The following SDK1 variants were observed in gnomAD, a reference collection of about 807,000 sequenced individuals.
SDK1 encodes the protein protein sidekick-1.
A neutral mutation model predicts 245.5 loss-of-function variants in SDK1; 157 were observed. That is an observed-to-expected ratio of 0.64 (90% CI 0.56 to 0.73). The LOEUF (loss-of-function observed/expected upper bound fraction) is 0.73. Among genes scored for constraint, SDK1 ranks in the 30% least tolerant of loss-of-function variants. The pLI is 0.00. For missense variants in SDK1, 3,583 were observed against 3,002.3 expected, an observed-to-expected ratio of 1.19 and a Z score of -4.52; for synonymous variants, 1,647 against 1,278.5, an observed-to-expected ratio of 1.29 and a Z score of -6.15.
chr7:3,337,461 C>CAA (rs35301702), intron 1 of SDK1, among the ~76,000 whole-genome samples: 7 of 142,306 alleles, frequency 4.9e-5, no homozygotes, highest in Admixed American at 1.4e-4. Flanking sequence ...AGAGTGGGAC[C>CAA]AAAAAAAAAA....
intron 5 of SDK1, 23 bp from the exon 6 acceptor site, chr7:3,950,900 C>CATTT: frequency 3.8e-6 from 6 of 1,587,708 alleles, no homozygotes; most frequent in Non-Finnish European, 5.2e-6. Flanking sequence ...GTTTCATGGA[C>CATTT]ATTTCTCTTT....
chr7:4,241,638 G>A (rs1392163683), intron 42 of SDK1, among the ~76,000 whole-genome samples, 155 bp from the exon 43 acceptor site: 1 of 151,818 alleles, frequency 6.6e-6, no homozygotes, highest in East Asian at 1.9e-4. Context: ...CTTCTCCCCA[G>A]CTCAGCCCTA....
intron 4 of SDK1, among the ~76,000 whole-genome samples, chr7:3,672,426 G>T (rs1432481947): frequency 6.6e-6 from 1 of 151,004 alleles, no homozygotes; most frequent in East Asian, 2.0e-4. Context: ...TACTTCTACT[G>T]CAAACTCTTG....
chr7:3,343,873 G>A (rs898525420), intron 1 of SDK1, among the ~76,000 whole-genome samples: 4 of 152,094 alleles, frequency 2.6e-5, no homozygotes, highest in African/African-American at 9.7e-5. Flanking sequence ...AAAACAGAAT[G>A]GCAGTGTTGA....
chr7:3,570,977 T>C (rs1780096711), intron 1 of SDK1, among the ~76,000 whole-genome samples: 1 of 152,074 alleles, frequency 6.6e-6, no homozygotes, highest in Admixed American at 6.5e-5. Flanking sequence ...ATATTTGCAC[T>C]TAAAGTACAC....
At chr7:3,830,123 A>G (rs1779878302) in intron 5 of SDK1, among the ~76,000 whole-genome samples, 1 of 152,176 alleles carries the variant, frequency 6.6e-6, no homozygotes, top group African/African-American at 2.4e-5. Context: ...AGATATTGAC[A>G]TCGAACTGTT....
chr7:3,669,597 A>G (rs996627032), intron 4 of SDK1, among the ~76,000 whole-genome samples: 6 of 151,796 alleles, frequency 4.0e-5, no homozygotes, highest in African/African-American at 7.3e-5. Flanking sequence ...GCCTTCCTCC[A>G]CCTGTCTTTA....
chr7:3,463,327 A>G (rs1387108946), intron 1 of SDK1, among the ~76,000 whole-genome samples: 1 of 152,194 alleles, frequency 6.6e-6, no homozygotes, highest in East Asian at 1.9e-4. Flanking sequence ...AATACTTGTC[A>G]TATAGTTAGG....
chr7:3,491,511 A>G (rs770658252), intron 1 of SDK1, among the ~76,000 whole-genome samples: 3 of 152,234 alleles, frequency 2.0e-5, no homozygotes, highest in Non-Finnish European at 4.4e-5. Flanking sequence ...TGAATTAAAG[A>G]TTGGAGCATT....
chr7:3,428,385 C>A (rs370492256), intron 1 of SDK1, among the ~76,000 whole-genome samples: 2 of 152,144 alleles, frequency 1.3e-5, no homozygotes, highest in Non-Finnish European at 1.5e-5. Flanking sequence ...GCAAGGACTG[C>A]GAGTATGTTA....
At position 4,006,019 on chromosome 7, in the gene SDK1, A is replaced by C. The variant is rs559102923; in HGVS notation, c.2132-4947A>C. On this transcript the variant is annotated intron_variant, in intron 14 of 44. Coordinates refer to ENST00000404826, the MANE Select transcript of SDK1 (RefSeq NM_152744.4). The stretch of plus-strand genomic sequence containing the variant: ...GGAGCGGAGGTTGCAGTGAGCCGAG[A>C]TTGCGCCACTGCACTCCAGCCTGGA... Among the ~76,000 whole-genome samples, 4 of 152,300 alleles carry C rather than the reference A, an allele frequency of 2.6e-5. No individual in the cohort carries two copies. The East Asian group carries it at 7.7e-4, about 29-fold the overall frequency.
chr7:3,359,057 T>C (rs1227478017), intron 1 of SDK1, among the ~76,000 whole-genome samples: 2 of 152,168 alleles, frequency 1.3e-5, no homozygotes, highest in Admixed American at 6.5e-5. Context: ...TTCCTCATCA[T>C]AGAACCTTAT....
chr7:4,077,056 G>A lies in SDK1; in HGVS notation c.3069G>A (p.Leu1023=). 3 of 1,614,170 alleles carry A rather than the reference G, an allele frequency of 1.9e-6. No individual in the cohort carries two copies. The highest frequency in any genetic ancestry group is 2.5e-6 in the Non-Finnish European group (3 of 1,179,998). The change falls in exon 21 of 45, where the codon CTG becomes CTA. Residue 1023 remains leucine, a synonymous_variant. Transcript: ENST00000404826. ...GRNDSRLTHT[L]NSTTHEYKIQ... ...ACGACTCTCGTCTCACGCACACCCT[G>A]AACAGCACGACGCACGAGTACAAGA...
At chr7:3,677,946 A>T (rs1562650554) in intron 4 of SDK1, among the ~76,000 whole-genome samples, 1 of 152,214 alleles carries the variant, frequency 6.6e-6, no homozygotes, top group Non-Finnish European at 1.5e-5. Flanking sequence ...CTCAACAACA[A>T]CAGAACAAAC....
chr7:3,777,252 T>G (rs529090477), intron 4 of SDK1, among the ~76,000 whole-genome samples: 1 of 152,358 alleles, frequency 6.6e-6, no homozygotes, highest in East Asian at 1.9e-4. Flanking sequence ...CAAGTGACTT[T>G]CGTTCCAGCC....
intron 4 of SDK1, among the ~76,000 whole-genome samples, chr7:3,791,055 CA>C (rs1562445714): frequency 2.0e-5 from 3 of 151,986 alleles, no homozygotes; most frequent in African/African-American, 4.8e-5. Flanking sequence ...TTGGGTCTAA[CA>C]GCAGTGCCTA....
intron 2 of SDK1, among the ~76,000 whole-genome samples, chr7:3,635,167 C>T (rs1782417569): frequency 1.3e-5 from 2 of 152,104 alleles, no homozygotes; most frequent in South Asian, 4.2e-4. Flanking sequence ...TGGCTCTTTG[C>T]ATTCAATTTG....
chr7:3,852,001 G>A (rs543167675), intron 5 of SDK1, among the ~76,000 whole-genome samples: 2 of 152,140 alleles, frequency 1.3e-5, no homozygotes, highest in Non-Finnish European at 2.9e-5. Flanking sequence ...GAGGTTGCTG[G>A]TGGACTTGAT....
At chr7:3,754,149 A>C (rs1485309024) in intron 4 of SDK1, among the ~76,000 whole-genome samples, 2 of 152,162 alleles carry the variant, frequency 1.3e-5, no homozygotes. Context: ...GCTCTTGGAG[A>C]GGTTTTTATT....
Sources: allele counts gnomAD v4.1 joint callset (sites outside exome capture counted in the v4.1 genomes callset), GRCh38; gene constraint gnomAD v4.1.1; transcripts MANE v1.5; gene names NCBI Gene and HGNC (gene_info 2026-07-23, HGNC 2026-07-21).